Variants in MARCHF1 observed in about 807,000 individuals in gnomAD.
The protein encoded by MARCHF1 is membrane associated ring-CH-type finger 1.
MARCHF1 carries 40 observed loss-of-function variants against 54.2 expected under a neutral mutation model. The ratio of observed to expected loss-of-function variants is 0.74; its 90% CI spans 0.57 to 0.96. The LOEUF (loss-of-function observed/expected upper bound fraction) is 0.96, where lower values mean the gene tolerates loss of function less well. Among genes scored for constraint, MARCHF1 ranks in the 40% least tolerant of loss-of-function variants. The pLI is 0.00. For missense variants in MARCHF1, 586 were observed against 656.5 expected (o/e 0.89, Z 1.17); for synonymous variants, 236 against 236.3 (o/e 1.00, Z 0.01).
At chr4:163,933,585 G>C (rs1345622638) in intron 3 of MARCHF1, among the ~76,000 whole-genome samples, 8 of 152,200 alleles carry the variant, frequency 5.3e-5, no homozygotes, top group African/African-American at 1.4e-4. Context: ...TTGTATTACT[G>C]TGAAGATATG....
chr4:163,740,974 G>A (rs1746178489), intron 4 of MARCHF1, among the ~76,000 whole-genome samples: 1 of 152,132 alleles, frequency 6.6e-6, no homozygotes, highest in Non-Finnish European at 1.5e-5. Context: ...ACACTCTTCA[G>A]GTTGCATGTT....
chr4:163,528,969 C>T lies in MARCHF1; in HGVS notation c.1417G>A (p.Val473Ile), dbSNP rs748600147. ...AACTGAACATAGACTTTACACTGTA[C>T]GTACATGAAGACAAGACCTCCTGTG... ...GFTGGLVFMY[V>I]QCKVYVQLWR... Residue 473 changes from valine (V) to isoleucine (I), a missense_variant, in exon 10 of 10, where the codon GTA (valine) becomes ATA (isoleucine). Transcript: ENST00000514618. The T allele has an allele frequency of 2.9e-5, 47 of 1,612,966 alleles. No homozygotes were observed. Among genetic ancestry groups the T allele is most frequent in the Admixed American group, 6.7e-5 (4 of 59,830 alleles).
At chr4:163,650,421 C>A (rs1742923425) in intron 5 of MARCHF1, among the ~76,000 whole-genome samples, 1 of 151,922 alleles carries the variant, frequency 6.6e-6, no homozygotes, top group Non-Finnish European at 1.5e-5. Flanking sequence ...CTCTGCCATT[C>A]ATTAGTATTA....
chr4:163,676,536 C>T (rs761040491), intron 5 of MARCHF1, among the ~76,000 whole-genome samples: 4 of 152,016 alleles, frequency 2.6e-5, no homozygotes, highest in Non-Finnish European at 4.4e-5. Flanking sequence ...TGCTGGAGGC[C>T]AAGAGTTCAA....
intron 1 of MARCHF1, among the ~76,000 whole-genome samples, chr4:164,234,680 CT>C (rs1320496955): frequency 6.6e-6 from 1 of 152,036 alleles, no homozygotes; most frequent in Non-Finnish European, 1.5e-5. Flanking sequence ...ACTAATTTGC[CT>C]TAATCTCTTA....
intron 3 of MARCHF1, among the ~76,000 whole-genome samples, chr4:163,880,247 A>G (rs1750386607): frequency 6.6e-6 from 1 of 151,408 alleles, no homozygotes; most frequent in Non-Finnish European, 1.5e-5. Context: ...TATAGAATTA[A>G]AAATACTTTT....
intron 4 of MARCHF1, among the ~76,000 whole-genome samples, chr4:163,809,309 T>C (rs1228371342): frequency 1.3e-5 from 2 of 152,196 alleles, no homozygotes; most frequent in Non-Finnish European, 2.9e-5. Flanking sequence ...GAATTTATTT[T>C]ACAAACCAAG....
intron 1 of MARCHF1, among the ~76,000 whole-genome samples, chr4:164,281,119 T>C (rs896644730): frequency 6.6e-6 from 1 of 152,204 alleles, no homozygotes; most frequent in South Asian, 2.1e-4. Context: ...GAGTGCATGA[T>C]CTTCAGGTAC....
In MARCHF1 at chr4:164,176,972, CTCTCTCT is replaced by C. The variant is rs763473423; in HGVS notation, c.-322-65317_-322-65311del. ...TCTCTCTCTCTCTCTCTCTCTCTCT[CTCTCTCT>C]CTATATATATATATATATATATATA... is the stretch of plus-strand genomic sequence containing the variant. On this transcript the variant is annotated intron_variant, in intron 1 of 9. Transcript: ENST00000514618. Among the ~76,000 whole-genome samples the C allele has an allele frequency of 3.1e-3, 177 of 56,740 alleles. 7 individuals are homozygous for C. The highest frequency in any genetic ancestry group is 0.023 in the Middle Eastern group (3 of 130). The allele number at this position is 56,740 out of a possible 152,430, so 37.2% of individuals were successfully genotyped here.
intron 1 of MARCHF1, among the ~76,000 whole-genome samples, chr4:164,244,717 A>T (rs1421406216): frequency 0.029 from 4,457 of 151,564 alleles, 125 homozygotes; most frequent in East Asian, 0.081. Context: ...CTAGCAAGAC[A>T]AATAAAGAAA....
rs201584860 is a variant in MARCHF1 at position 163,755,788 on chromosome 4, AG to A, written c.112-54926del. On this transcript the variant is annotated intron_variant, in intron 4 of 9. Coordinates refer to ENST00000514618, the MANE Select transcript of MARCHF1 (RefSeq NM_001394959.1). ...TAAATTTTTGACAGAAAACTGAGCA[AG>A]CTCAATAACACTGGTGCTAAATGAG... 7.1e-3 allele frequency among the ~76,000 whole-genome samples: 1,084 copies of A among 152,338 alleles called. 9 individuals carry two copies. The highest frequency in any genetic ancestry group is 0.01 in the Non-Finnish European group (704 of 68,024).
At chr4:163,697,830 T>C (rs1405776940) in intron 5 of MARCHF1, among the ~76,000 whole-genome samples, 2 of 152,184 alleles carry the variant, frequency 1.3e-5, no homozygotes, top group Admixed American at 1.3e-4. Context: ...TTTAAGGAAA[T>C]AACTTCAGAT....
intron 2 of MARCHF1, among the ~76,000 whole-genome samples, chr4:164,035,122 G>GA (rs1753965209): frequency 6.6e-6 from 1 of 151,968 alleles, no homozygotes; most frequent in Admixed American, 6.6e-5. Context: ...TTTGACCAAT[G>GA]AAAATTTACT....
rs116161906 is a variant in MARCHF1 at position 163,597,310 on chromosome 4, A to C, written c.1011-11381T>G. Among the ~76,000 whole-genome samples, 392 of 152,290 alleles carry C rather than the reference A, an allele frequency of 2.6e-3. 2 individuals carry two copies. Among genetic ancestry groups the C allele is most frequent in the Admixed American group, 7.1e-3 (108 of 15,284 alleles). ...GGACAAAATATAATTTTCTGGAACAAAATGAAAATGCCATACAAAAATAAA... is the reference window on the plus strand; with the variant it reads ...GGACAAAATATAATTTTCTGGAACACAATGAAAATGCCATACAAAAATAAA... On this transcript the variant is annotated intron_variant, in intron 7 of 9. Coordinates refer to ENST00000514618, the MANE Select transcript of MARCHF1 (RefSeq NM_001394959.1).
intron 5 of MARCHF1, among the ~76,000 whole-genome samples, chr4:163,692,605 TTA>T (rs1311226878): frequency 1.4e-5 from 2 of 143,158 alleles, no homozygotes; most frequent in African/African-American, 5.3e-5. Flanking sequence ...CTGAAAGAAT[TTA>T]TGTTTTATTT....
chr4:164,130,904 CTTTAT>C (rs1421026080), intron 1 of MARCHF1, among the ~76,000 whole-genome samples: 2 of 151,986 alleles, frequency 1.3e-5, no homozygotes, highest in Non-Finnish European at 2.9e-5. Context: ...ATGTTATAAG[CTTTAT>C]TTTAAGTAAC....
chr4:164,345,065 G>A (rs551918035), intron 1 of MARCHF1, among the ~76,000 whole-genome samples: 81 of 152,156 alleles, frequency 5.3e-4, no homozygotes, highest in Non-Finnish European at 1.0e-3. Flanking sequence ...AAGTGCTAGT[G>A]CTCTATACCA....
At chr4:164,103,963 A>G (rs1278590752) in intron 2 of MARCHF1, among the ~76,000 whole-genome samples, 1 of 150,752 alleles carries the variant, frequency 6.6e-6, no homozygotes, top group East Asian at 1.9e-4. Flanking sequence ...AATACAAACT[A>G]CCATCAGGGA....
At chr4:163,635,678 G>A (rs528678610) in intron 5 of MARCHF1, among the ~76,000 whole-genome samples, 3,638 of 150,818 alleles carry the variant, frequency 0.024, 131 homozygotes, top group African/African-American at 0.083. Context: ...AGGAGGAACT[G>A]GTACCATTCC....
Sources: gnomAD v4.1 joint callset for allele counts (sites outside exome capture counted in the v4.1 genomes callset) on GRCh38, gnomAD v4.1.1 for gene constraint, MANE v1.5 for transcripts, NCBI Gene and HGNC (gene_info 2026-07-23, HGNC 2026-07-21) for gene names.